The following NPAS3 variants were observed in gnomAD, a reference collection of about 807,000 sequenced individuals.
NPAS3 encodes neuronal PAS domain-containing protein 3.
NPAS3 carries 14 observed loss-of-function variants against 73.1 expected under a neutral mutation model. That is an observed-to-expected ratio of 0.19 (90% CI 0.13 to 0.30). The LOEUF (loss-of-function observed/expected upper bound fraction) is 0.30, where lower values mean the gene tolerates loss of function less well. Ranked by LOEUF, NPAS3 falls within the 10% of genes least tolerant of loss-of-function variation. The probability of loss-of-function intolerance (pLI) is 1.00; values close to 1 mark genes in which losing one functional copy is unlikely to be tolerated. For synonymous variants in NPAS3, 620 were observed against 541.5 expected, an observed-to-expected ratio of 1.14 and a Z score of -2.01; for missense variants, 1,096 against 1,250.0, an observed-to-expected ratio of 0.88 and a Z score of 1.86.
At chr14:33,215,505 T>G in intron 3 of NPAS3, 79 bp downstream of exon 3, 2 of 1,501,586 alleles carry the variant, frequency 1.3e-6, no homozygotes, top group Non-Finnish European at 9.3e-7. Flanking sequence ...CATCATCCTT[T>G]CTTCTTTTCC....
chr14:33,331,366 T>A (rs1307350298), intron 3 of NPAS3, among the ~76,000 whole-genome samples: 1 of 152,224 alleles, frequency 6.6e-6, no homozygotes, highest in Non-Finnish European at 1.5e-5. Context: ...TGGAAGATAA[T>A]TGAGCCTTTT....
intron 2 of NPAS3, among the ~76,000 whole-genome samples, chr14:33,142,650 G>A (rs1465802442): frequency 6.6e-6 from 1 of 152,070 alleles, no homozygotes; most frequent in Non-Finnish European, 1.5e-5. Flanking sequence ...TACATCTTTT[G>A]TTAACTTAAG....
At chr14:33,726,201 CT>C (rs2061259986) in intron 6 of NPAS3, among the ~76,000 whole-genome samples, 1 of 152,186 alleles carries the variant, frequency 6.6e-6, no homozygotes, top group Admixed American at 6.6e-5. Context: ...CACTTTTTGA[CT>C]GAAGCTGCTT....
At position 33,080,257 on chromosome 14, in the gene NPAS3, G is replaced by A. The variant is rs768588773; in HGVS notation, c.140+24263G>A. Among the ~76,000 whole-genome samples, 76 of 151,694 alleles carry A rather than the reference G, an allele frequency of 5.0e-4. 1 individual carries two copies. The highest frequency in any genetic ancestry group is 7.1e-4 in the Non-Finnish European group (48 of 67,912). On this transcript the variant is annotated intron_variant, in intron 2 of 11. Transcript: ENST00000356141. ...CGAGTAGCTGGGACTACAGGCGCCCGCCACCACGCCTGGCTAATTTTTGTA... is the reference window on the plus strand; with the variant it reads ...CGAGTAGCTGGGACTACAGGCGCCCACCACCACGCCTGGCTAATTTTTGTA...
At chr14:33,129,117 G>A (rs2139092468) in intron 2 of NPAS3, among the ~76,000 whole-genome samples, 1 of 152,226 alleles carries the variant, frequency 6.6e-6, no homozygotes, top group East Asian at 1.9e-4. Context: ...CTCCCTGGAT[G>A]TGGTGGTGGA....
At chr14:33,277,198 A>G (rs889426234) in intron 3 of NPAS3, among the ~76,000 whole-genome samples, 1 of 152,174 alleles carries the variant, frequency 6.6e-6, no homozygotes, top group South Asian at 2.1e-4. Flanking sequence ...TTTCTATTTT[A>G]TAGAGTTGCT....
At chr14:33,157,288 C>T (rs891394744) in intron 2 of NPAS3, among the ~76,000 whole-genome samples, 1 of 152,206 alleles carries the variant, frequency 6.6e-6, no homozygotes. Flanking sequence ...CCTGCCTAAA[C>T]ACAGAACTCT....
chr14:33,051,443 A>G (rs2040708788), intron 1 of NPAS3, among the ~76,000 whole-genome samples: 1 of 152,136 alleles, frequency 6.6e-6, no homozygotes, highest in Non-Finnish European at 1.5e-5. Flanking sequence ...TGTTTTTCTG[A>G]AAAACTACCT....
chr14:33,784,388 T>A (rs2063077719), intron 9 of NPAS3, among the ~76,000 whole-genome samples: 1 of 152,170 alleles, frequency 6.6e-6, no homozygotes, highest in Admixed American at 6.5e-5. Context: ...ATAGCTAGTA[T>A]GAAATGAGGT....
intron 3 of NPAS3, among the ~76,000 whole-genome samples, chr14:33,245,832 TA>T (rs1032528788): frequency 2.0e-5 from 3 of 151,194 alleles, no homozygotes; most frequent in African/African-American, 7.3e-5. Context: ...TATGGTGAAT[TA>T]AAAAAAATAG....
rs546042913 is a variant in NPAS3 at position 33,678,349 on chromosome 14, T to G, written c.733+1964T>G. 5.3e-5 allele frequency among the ~76,000 whole-genome samples: 8 copies of G among 152,204 alleles called. No homozygotes were observed. In the South Asian group the frequency reaches 1.7e-3, roughly 32 times the overall value. On this transcript the variant is annotated intron_variant, in intron 6 of 11. Transcript: ENST00000356141. ...TCTGCCCTCTGGGACATTTCTGATT[T>G]ACTCCTTCTTCCCTATCCTAGCTTC...
intron 3 of NPAS3, among the ~76,000 whole-genome samples, chr14:33,243,912 TA>T (rs1465988357): frequency 1.3e-5 from 2 of 152,172 alleles, no homozygotes; most frequent in African/African-American, 2.4e-5. Flanking sequence ...TAATGTTCTC[TA>T]AAGGGAAAAA....
In NPAS3 at chr14:33,325,892, C is replaced by G. The variant is rs186103149; in HGVS notation, c.386-41294C>G. On this transcript the variant is annotated intron_variant, in intron 3 of 11. Coordinates refer to ENST00000356141, the Ensembl canonical transcript of NPAS3. The stretch of plus-strand genomic sequence containing the variant: ...GAAGTTATTTTTTACTTGAGACTTT[C>G]AGTTACCAAAGTATAGTTATATTAG... Among the ~76,000 whole-genome samples, 66 of 152,124 alleles carry G rather than the reference C, an allele frequency of 4.3e-4. 1 individual carries two copies. Among genetic ancestry groups the G allele is most frequent in the African/African-American group, 1.6e-3 (65 of 41,522 alleles).
chr14:33,411,485 G>A (rs2047926004), intron 4 of NPAS3, among the ~76,000 whole-genome samples: 2 of 152,084 alleles, frequency 1.3e-5, no homozygotes, highest in African/African-American at 2.4e-5. Context: ...ACCCGGCCTG[G>A]AGGCATTTTT....
intron 7 of NPAS3, among the ~76,000 whole-genome samples, chr14:33,764,988 A>T (rs1167394713): frequency 1.3e-5 from 2 of 152,200 alleles, no homozygotes; most frequent in African/African-American, 4.8e-5. Context: ...ACATAATCTC[A>T]TTAAGGAGAT....
intron 5 of NPAS3, among the ~76,000 whole-genome samples, chr14:33,606,415 A>G (rs147072573): frequency 0.17 from 25,917 of 151,636 alleles, 2,586 homozygotes; most frequent in Admixed American, 0.27. Flanking sequence ...ATCATTTTTT[A>G]TGGCTGCATA....
At chr14:33,140,224 C>A (rs963563244) in intron 2 of NPAS3, among the ~76,000 whole-genome samples, 1 of 152,008 alleles carries the variant, frequency 6.6e-6, no homozygotes, top group East Asian at 1.9e-4. Flanking sequence ...ACATAAATAT[C>A]CCACGAAAAT....
chr14:33,081,266 C>A (rs2041855381), intron 2 of NPAS3, among the ~76,000 whole-genome samples: 1 of 152,142 alleles, frequency 6.6e-6, no homozygotes, highest in African/African-American at 2.4e-5. Context: ...GATGAGAAAT[C>A]ACTTCTCTCA....
chr14:33,799,222 T>C (rs1394816750), intron 11 of NPAS3, among the ~76,000 whole-genome samples: 1 of 152,066 alleles, frequency 6.6e-6, no homozygotes, highest in East Asian at 1.9e-4. Flanking sequence ...GAGAATAACT[T>C]ATGGAATAGA....
Sources: allele counts gnomAD v4.1 joint callset (sites outside exome capture counted in the v4.1 genomes callset), GRCh38; gene constraint gnomAD v4.1.1; transcripts MANE v1.5; gene names NCBI Gene and HGNC (gene_info 2026-07-23, HGNC 2026-07-21).